The following DDX50 variants were observed in gnomAD, a reference collection of about 807,000 sequenced individuals.
DDX50 encodes ATP-dependent RNA helicase DDX50.
Under a neutral mutation model 94.8 loss-of-function variants are expected in DDX50, and 56 were observed. That is an observed-to-expected ratio of 0.59 (90% CI 0.48 to 0.74). The LOEUF (loss-of-function observed/expected upper bound fraction) is 0.74. Ranked by LOEUF, DDX50 falls within the 30% of genes least tolerant of loss-of-function variation. The probability of loss-of-function intolerance (pLI) is 0.00; values close to 1 mark genes in which losing one functional copy is unlikely to be tolerated. For missense variants in DDX50, 713 were observed against 881.2 expected, an observed-to-expected ratio of 0.81 and a Z score of 2.42; for synonymous variants, 264 against 295.4, an observed-to-expected ratio of 0.89 and a Z score of 1.09.
rs746903817 is a variant in DDX50, at chr10:68,911,146, A to G, written c.539A>G (p.Gln180Arg). 12 of 1,612,650 alleles carry G rather than the reference A, an allele frequency of 7.4e-6. No individual in the cohort carries two copies. In the South Asian group the frequency reaches 1.3e-4, roughly 18 times the overall value. The change falls in exon 4 of 15, where the codon CAA becomes CGA. Residue 180 changes from glutamine to arginine, a missense_variant. By Grantham distance (43) the Gln-to-Arg change is conservative (BLOSUM62 1). Around this residue, in one of 2 missense-constraint regions of DDX50, gnomAD observed 285 missense variants for 278.9 expected, o/e 1.02. Coordinates refer to ENST00000373585, the MANE Select transcript of DDX50 (RefSeq NM_024045.2). ...TATGAAGGAAAAGATTTAATAGCTCAAGCACGGACAGGAACAGGAAAGACA... is the reference window on the plus strand; with the variant it reads ...TATGAAGGAAAAGATTTAATAGCTCGAGCACGGACAGGAACAGGAAAGACA... ...PVYEGKDLIA[Q>R]ARTGTGKTFS...
intron 7 of DDX50, among the ~76,000 whole-genome samples, chr10:68,918,527 C>T (rs747246612): frequency 1.3e-5 from 2 of 150,926 alleles, no homozygotes; most frequent in African/African-American, 2.4e-5. Context: ...CCTTCACCTC[C>T]CGGGTTCAAG....
At chr10:68,925,252 C>T (rs1394431307) in intron 8 of DDX50, among the ~76,000 whole-genome samples, 4 of 151,620 alleles carry the variant, frequency 2.6e-5, no homozygotes, top group Admixed American at 6.6e-5. Flanking sequence ...GGCAGGCATG[C>T]GCCACCATGC....
At chr10:68,931,521 A>G (rs1328185334) in intron 8 of DDX50, among the ~76,000 whole-genome samples, 4 of 148,960 alleles carry the variant, frequency 2.7e-5, no homozygotes, top group African/African-American at 9.9e-5. Context: ...GGTCACTGCA[A>G]CCTCTGCCTC....
At chr10:68,911,410 A>T (rs1320728047) in intron 4 of DDX50, among the ~76,000 whole-genome samples, 164 bp downstream of exon 4, 1 of 152,226 alleles carries the variant, frequency 6.6e-6, no homozygotes, top group South Asian at 2.1e-4. Context: ...AGCAAAGTTA[A>T]AGTGAAGTAG....
chr10:68,914,541 T>C (rs1841727451), intron 7 of DDX50, among the ~76,000 whole-genome samples: 1 of 152,180 alleles, frequency 6.6e-6, no homozygotes, highest in Non-Finnish European at 1.5e-5. Flanking sequence ...GCGATTTATA[T>C]TGACTAGAAA....
chr10:68,938,690 T>A (rs10998494), intron 12 of DDX50, among the ~76,000 whole-genome samples: 3,145 of 152,334 alleles, frequency 0.021, 54 homozygotes, highest in Non-Finnish European at 0.027. Context: ...CTGGTAGGTG[T>A]TAATAGTTTA....
At chr10:68,931,390 A>ATATATAT (rs1312993056) in intron 8 of DDX50, among the ~76,000 whole-genome samples, 1 of 46,810 alleles carries the variant, frequency 2.1e-5, no homozygotes, top group South Asian at 6.9e-4. Flanking sequence ...ATTAAAAAAA[A>ATATATAT]AAATATATAT....
chr10:68,925,682 T>C (rs1250865075), intron 8 of DDX50, among the ~76,000 whole-genome samples: 1 of 152,112 alleles, frequency 6.6e-6, no homozygotes, highest in African/African-American at 2.4e-5. Context: ...GAGACCAGCC[T>C]GGGCAGCATA....
At chr10:68,904,999 GCTAT>G (rs1841401376) in intron 1 of DDX50, among the ~76,000 whole-genome samples, 1 of 152,190 alleles carries the variant, frequency 6.6e-6, no homozygotes, top group Non-Finnish European at 1.5e-5. Flanking sequence ...ACTAATTACT[GCTAT>G]CTATTTTGAA....
intron 7 of DDX50, among the ~76,000 whole-genome samples, chr10:68,917,496 CCCACAGT>C (rs1369095215): frequency 1.3e-5 from 2 of 152,130 alleles, no homozygotes; most frequent in Non-Finnish European, 2.9e-5. Context: ...TTATGAGTTT[CCCACAGT>C]CTGTTTTGCT....
At chr10:68,932,519 CA>C (rs965263559) in intron 8 of DDX50, among the ~76,000 whole-genome samples, 1 of 152,148 alleles carries the variant, frequency 6.6e-6, no homozygotes, top group Admixed American at 6.5e-5. Flanking sequence ...GTCAGCCTCC[CA>C]AAGTGCTGGG....
chr10:68,943,390 C>T (rs1842595664), intron 14 of DDX50, 133 bp downstream of exon 14: 1 of 727,842 alleles, frequency 1.4e-6, no homozygotes, highest in Admixed American at 3.4e-5. Flanking sequence ...ATAAAATAAC[C>T]AGTCTGTCTC....
chr10:68,927,659 A>AT, intron 8 of DDX50, among the ~76,000 whole-genome samples: 1 of 152,354 alleles, frequency 6.6e-6, no homozygotes, highest in Non-Finnish European at 1.5e-5. Flanking sequence ...AAATTAAAAA[A>AT]ATATATATTT....
rs1006938541 is a variant in DDX50, at chr10:68,901,408, G to T, written c.24G>T (p.Gly8=). 16 of 1,568,586 alleles carry T rather than the reference G, an allele frequency of 1.0e-5. No individual in the cohort carries two copies. Among genetic ancestry groups the T allele is most frequent in the Non-Finnish European group, 1.4e-5 (16 of 1,157,484 alleles). The change falls in exon 1 of 15, where the codon GGG becomes GGT. Residue 8 remains glycine (G), a synonymous_variant. Coordinates refer to ENST00000373585, the MANE Select transcript of DDX50 (RefSeq NM_024045.2). ...TAATGCCTGGGAAACTCCTCTGGGG[G>T]GACATTATGGAGCTGGAAGCACCCT... is the stretch of plus-strand genomic sequence containing the variant. MPGKLLW[G]DIMELEAPLE...
intron 7 of DDX50, among the ~76,000 whole-genome samples, chr10:68,919,448 C>T (rs1214779309): frequency 2.6e-5 from 4 of 152,190 alleles, no homozygotes; most frequent in Non-Finnish European, 5.9e-5. Flanking sequence ...TCAGAGACAA[C>T]CACTGTTTGA....
chr10:68,913,211 A>G lies in DDX50; in HGVS notation c.689A>G (p.Asp230Gly). Reference sequence around the variant, plus strand: ...GAACTGGCAAACCAAGTAGCCAAAGACTTCAAAGATATAACTAGGAAACTC... The same window carrying G: ...GAACTGGCAAACCAAGTAGCCAAAGGCTTCAAAGATATAACTAGGAAACTC... Reference protein sequence around the residue: ...TRELANQVAKDFKDITRKLSV... With the variant: ...TRELANQVAKGFKDITRKLSV... The change falls in exon 5 of 15, where the codon GAC becomes GGC. Residue 230 changes from aspartate to glycine, a missense_variant. By Grantham distance (94) the Asp-to-Gly change is moderately conservative. Transcript: ENST00000373585. 2 of 1,613,286 alleles carry G rather than the reference A, an allele frequency of 1.2e-6. No individual in the cohort carries two copies. Among genetic ancestry groups the G allele is most frequent in the South Asian group, 1.1e-5 (1 of 90,712 alleles).
At chr10:68,941,893 G>C (rs1000204123) in intron 13 of DDX50, among the ~76,000 whole-genome samples, 2 of 152,150 alleles carry the variant, frequency 1.3e-5, no homozygotes, top group Non-Finnish European at 2.9e-5. Flanking sequence ...TCCCGCTTCT[G>C]CCTCCCAAAG....
chr10:68,916,353 C>A (rs867245448), intron 7 of DDX50, among the ~76,000 whole-genome samples: 1,194 of 123,220 alleles, frequency 9.7e-3, no homozygotes, highest in African/African-American at 0.011. Context: ...GACTCTGTCT[C>A]AAAAAAAAAA....
intron 8 of DDX50, among the ~76,000 whole-genome samples, chr10:68,931,401 A>ATATATATATATG (rs1842261511): frequency 1.6e-5 from 1 of 63,454 alleles, no homozygotes; most frequent in Non-Finnish European, 3.4e-5. Context: ...AAATATATAT[A>ATATATATATATG]TATATATATG....
Sources: allele counts gnomAD v4.1 joint callset (sites outside exome capture counted in the v4.1 genomes callset), GRCh38; gene constraint gnomAD v4.1.1; regional missense constraint gnomAD v4.1.1; transcripts MANE v1.5; gene names NCBI Gene and HGNC (gene_info 2026-07-23, HGNC 2026-07-21).